FAM227B: variants seen among roughly 807,000 people sequenced by gnomAD.
The protein encoded by FAM227B is family with sequence similarity 227 member B.
In FAM227B, 88 loss-of-function variants were observed where a neutral mutation model predicts 73.8. The ratio of observed to expected loss-of-function variants is 1.19; its 90% CI spans 1.00 to 1.42. The LOEUF is 1.42. Among genes scored for constraint, FAM227B ranks in the 40% most tolerant of loss-of-function variants. The pLI, the probability that FAM227B is intolerant of heterozygous loss-of-function variation, is 0.00. For missense variants in FAM227B, 632 were observed against 590.9 expected (o/e 1.07, Z -0.72); for synonymous variants, 210 against 190.5 (o/e 1.10, Z -0.84).
intron 10 of FAM227B, among the ~76,000 whole-genome samples, chr15:49,537,574 C>T (rs190915371): frequency 1.7e-4 from 26 of 151,970 alleles, no homozygotes; most frequent in Admixed American, 7.9e-4. Context: ...GTATATTACC[C>T]AAAGGAAATG....
intron 13 of FAM227B, 100 bp from the exon 14 acceptor site, chr15:49,335,596 T>A: frequency 2.7e-6 from 2 of 749,474 alleles, no homozygotes; most frequent in Non-Finnish European, 4.6e-6. Flanking sequence ...TGACCTTCAC[T>A]TTTCAGTAAT....
chr15:49,574,945 T>C, intron 8 of FAM227B, 66 bp downstream of exon 8: 2 of 957,406 alleles, frequency 2.1e-6, no homozygotes, highest in Non-Finnish European at 3.2e-6. Flanking sequence ...ACTAGACTTA[T>C]CTCTATTGAA....
In FAM227B at chr15:49,354,669, G is replaced by A. The variant is rs1372410616; in HGVS notation, c.1271+12779C>T. On this transcript the variant is annotated intron_variant, in intron 13 of 15. Transcript: ENST00000299338. ...CTGCAAGGTGGGCTGGGGGAGGGGC[G>A]CCCGCCATTGCCCAGGCTTGATTAG... is the stretch of plus-strand genomic sequence containing the variant. Among the ~76,000 whole-genome samples the A allele has an allele frequency of 3.9e-5, 6 of 152,144 alleles. No homozygotes were observed. The East Asian group carries it at 5.8e-4, about 15-fold the overall frequency.
chr15:49,577,540 T>C, intron 6 of FAM227B, 89 bp downstream of exon 6: 1 of 760,952 alleles, frequency 1.3e-6, no homozygotes, highest in Non-Finnish European at 2.1e-6. Flanking sequence ...TCTCTATATT[T>C]AGAGCCTTGT....
At chr15:49,555,529 G>A (rs561391253) in intron 9 of FAM227B, among the ~76,000 whole-genome samples, 9 of 152,286 alleles carry the variant, frequency 5.9e-5, no homozygotes, top group African/African-American at 2.2e-4. Flanking sequence ...ATGTGACTTG[G>A]ATATGGTCTT....
At chr15:49,619,171 A>C (rs955520581) in intron 1 of FAM227B, among the ~76,000 whole-genome samples, 1 of 152,316 alleles carries the variant, frequency 6.6e-6, no homozygotes, top group Middle Eastern at 3.4e-3. Context: ...TGTGAGGAAA[A>C]AAAAAAGTGT....
chr15:49,512,939 T>C (rs1352461378), intron 10 of FAM227B, among the ~76,000 whole-genome samples: 1 of 152,202 alleles, frequency 6.6e-6, no homozygotes, highest in African/African-American at 2.4e-5. Context: ...TCTGATTCTT[T>C]TTCGTGGCTG....
intron 8 of FAM227B, among the ~76,000 whole-genome samples, chr15:49,569,757 T>A (rs2074954522): frequency 6.6e-6 from 1 of 151,992 alleles, no homozygotes; most frequent in Admixed American, 6.6e-5. Context: ...CTGAAACTCT[T>A]TACCCTTTGA....
chr15:49,446,653 G>GCA (rs2052247390), intron 11 of FAM227B, among the ~76,000 whole-genome samples: 5 of 151,508 alleles, frequency 3.3e-5, no homozygotes, highest in Non-Finnish European at 7.4e-5. Context: ...TAGGACAACA[G>GCA]TGAGGAATGG....
intron 11 of FAM227B, among the ~76,000 whole-genome samples, chr15:49,426,827 A>G (rs984599022): frequency 3.3e-5 from 5 of 151,958 alleles, no homozygotes; most frequent in Non-Finnish European, 7.4e-5. Context: ...TTACTTCTAT[A>G]AACTTTTTAA....
chr15:49,460,522 C>G (rs1416505060), intron 11 of FAM227B, among the ~76,000 whole-genome samples: 1 of 152,128 alleles, frequency 6.6e-6, no homozygotes, highest in Non-Finnish European at 1.5e-5. Context: ...GTTTTTACTA[C>G]TTATATTTTG....
At chr15:49,474,809 A>G (rs550627431) in intron 11 of FAM227B, among the ~76,000 whole-genome samples, 6 of 152,248 alleles carry the variant, frequency 3.9e-5, no homozygotes, top group African/African-American at 1.4e-4. Context: ...CCAGGGATCT[A>G]GGTTGCGTGC....
Position 49,328,636 on chromosome 15 carries a change from G to C in FAM227B, c.1459C>G (p.Leu487Val), listed in dbSNP as rs773063173. 14 of 1,579,318 alleles carry C rather than the reference G, an allele frequency of 8.9e-6. No homozygotes were observed. Among genetic ancestry groups the C allele is most frequent in the Non-Finnish European group, 1.2e-5 (14 of 1,159,098 alleles). ...AEIERECVAS[L>V]SSSSSSSPSS... ...GGTGATGATGATGATGATGACGATAGTGATGCCACACATTCTCTCTCAATT... is the reference window on the plus strand; with the variant it reads ...GGTGATGATGATGATGATGACGATACTGATGCCACACATTCTCTCTCAATT... Residue 487 changes from leucine (L) to valine (V), a missense_variant, in exon 16 of 16, where the codon CTA (leucine) becomes GTA (valine). Transcript: ENST00000299338.
At chr15:49,416,428 G>A (rs778372645) in intron 11 of FAM227B, among the ~76,000 whole-genome samples, 8 of 152,080 alleles carry the variant, frequency 5.3e-5, no homozygotes, top group Non-Finnish European at 1.0e-4. Flanking sequence ...ACATCTCTGA[G>A]AATGTAGTAG....
At chr15:49,409,653 T>C (rs1218939441) in intron 11 of FAM227B, among the ~76,000 whole-genome samples, 1 of 151,966 alleles carries the variant, frequency 6.6e-6, no homozygotes, top group East Asian at 1.9e-4. Flanking sequence ...TATTACTATT[T>C]TCTTCCTGGA....
At chr15:49,351,210 C>T (rs983047681) in intron 13 of FAM227B, among the ~76,000 whole-genome samples, 4 of 152,106 alleles carry the variant, frequency 2.6e-5, no homozygotes, top group Non-Finnish European at 5.9e-5. Flanking sequence ...ATACACTGTG[C>T]TTCTATACAA....
intron 10 of FAM227B, among the ~76,000 whole-genome samples, chr15:49,534,768 T>C (rs963546890): frequency 6.6e-6 from 1 of 151,448 alleles, no homozygotes; most frequent in Admixed American, 6.6e-5. Context: ...TCAACCACAA[T>C]GGCCAGAAAC....
chr15:49,399,436 A>C (rs2047956047), intron 11 of FAM227B, among the ~76,000 whole-genome samples: 1 of 150,752 alleles, frequency 6.6e-6, no homozygotes, highest in Admixed American at 6.6e-5. Flanking sequence ...AGGAACTGGT[A>C]CCATTCCTTC....
intron 8 of FAM227B, among the ~76,000 whole-genome samples, chr15:49,572,405 T>C (rs1190775618): frequency 6.6e-6 from 1 of 152,158 alleles, no homozygotes; most frequent in African/African-American, 2.4e-5. Flanking sequence ...CTCTTTGCAC[T>C]GCTTGTGCTG....
Sources: allele counts gnomAD v4.1 joint callset (sites outside exome capture counted in the v4.1 genomes callset), GRCh38; gene constraint gnomAD v4.1.1; transcripts MANE v1.5; gene names NCBI Gene and HGNC (gene_info 2026-07-23, HGNC 2026-07-21).